ELAC2: variants seen among roughly 807,000 people sequenced by gnomAD.
The protein encoded by ELAC2 is elaC ribonuclease Z 2.
A neutral mutation model predicts 105.2 loss-of-function variants in ELAC2; 92 were observed. That is an observed-to-expected ratio of 0.87 (90% CI 0.74 to 1.04). The LOEUF (loss-of-function observed/expected upper bound fraction) is 1.04, where lower values mean the gene tolerates loss of function less well. ELAC2 is among the 50% of genes least tolerant of loss of function. The pLI is 0.00. For synonymous variants in ELAC2, 468 were observed against 409.1 expected (o/e 1.14, Z -1.74); for missense variants, 1,099 against 1,071.7 (o/e 1.03, Z -0.36).
intron 15 of ELAC2, among the ~76,000 whole-genome samples, chr17:12,998,967 TA>T (rs1187160181): frequency 6.6e-6 from 1 of 152,180 alleles, no homozygotes; most frequent in African/African-American, 2.4e-5. Context: ...CTTTTCTTGA[TA>T]AATTACCCAG....
rs868152546 is a variant in ELAC2, at chr17:13,005,950, C to A, written c.768G>T (p.Val256=). ...KLHLKRGNFL[V]LKAKEMGLPV... ...GGAGGCCCATCTCCTTTGCTTTGAG[C>A]ACCAAGAAGTTTCCTCTCTTTAAGT... The change falls in exon 9 of 24, where the codon GTG becomes GTT. Residue 256 remains valine, a synonymous_variant. Transcript: ENST00000338034. The A allele has an allele frequency of 3.1e-6, 5 of 1,614,182 alleles. No individual in the cohort carries two copies. Among genetic ancestry groups the A allele is most frequent in the Non-Finnish European group, 4.2e-6 (5 of 1,180,042 alleles).
chr17:13,013,390 T>C (rs913016882), intron 5 of ELAC2, 115 bp from the exon 6 acceptor site: 9 of 1,134,148 alleles, frequency 7.9e-6, no homozygotes, highest in Admixed American at 5.9e-5. Context: ...ATGGTGGGAA[T>C]CTGACACGAA....
chr17:12,994,405 G>A lies in ELAC2; in HGVS notation c.2108+20C>T. ...GGAGGGAGAGGATGTGGGCGACAAG[G>A]ACTGACCGGCCTTTGCTACCTGTGT... On this transcript the variant is annotated intron_variant, in intron 22 of 23. Transcript: ENST00000338034. 2 of 1,614,078 alleles carry A rather than the reference G, an allele frequency of 1.2e-6. No homozygotes were observed. Among genetic ancestry groups the A allele is most frequent in the Non-Finnish European group, 1.7e-6 (2 of 1,179,932 alleles).
At chr17:12,998,262 G>C in intron 16 of ELAC2, 150 bp downstream of exon 16, 1 of 767,790 alleles carries the variant, frequency 1.3e-6, no homozygotes, top group Non-Finnish European at 2.2e-6. Context: ...ATGCAGTAAG[G>C]CCACGCTCCT....
chr17:13,003,654 T>C, intron 11 of ELAC2, 80 bp from the exon 12 acceptor site: 1 of 1,279,836 alleles, frequency 7.8e-7, no homozygotes, highest in Non-Finnish European at 1.1e-6. Flanking sequence ...CAGGGAGGGG[T>C]ATCGTGCGGC....
At chr17:13,006,456 T>C (rs1364024081) in intron 8 of ELAC2, 3 of 182,070 alleles carry the variant, frequency 1.6e-5, no homozygotes, top group Non-Finnish European at 3.6e-5. Context: ...TACCATATTC[T>C]GAAGAAGTCA....
chr17:13,014,556 T>G (rs2041618967), intron 4 of ELAC2, 60 bp from the exon 5 acceptor site: 15 of 1,242,778 alleles, frequency 1.2e-5, no homozygotes, highest in Non-Finnish European at 1.8e-5. Flanking sequence ...ACAGCAACTA[T>G]TCAAGTATTT....
At chr17:13,009,877 T>TGAG (rs1158841456) in intron 8 of ELAC2, among the ~76,000 whole-genome samples, 3 of 151,608 alleles carry the variant, frequency 2.0e-5, no homozygotes, top group African/African-American at 7.3e-5. Flanking sequence ...TAATCCTAGC[T>TGAG]ACTTGGGAGG....
At chr17:13,017,292 A>G in intron 1 of ELAC2, 171 bp from the exon 2 acceptor site, 1 of 735,266 alleles carries the variant, frequency 1.4e-6, no homozygotes, top group Non-Finnish European at 2.3e-6. Flanking sequence ...AGCCCTCCTT[A>G]GCAGAGGTGG....
chr17:13,010,675 A>C lies in ELAC2; in HGVS notation c.680-4T>G, dbSNP rs1041954140. 6.2e-7 allele frequency: 1 copy of C among 1,613,854 alleles called. No individual in the cohort carries two copies. The highest frequency in any genetic ancestry group is 8.5e-7 in the Non-Finnish European group (1 of 1,179,786). On this transcript the variant is annotated splice_region_variant and splice_polypyrimidine_tract_variant and intron_variant, in intron 7 of 23. Coordinates refer to ENST00000338034, the MANE Select transcript of ELAC2 (RefSeq NM_018127.7). ...ACCCCTCTTCTCTGGCTAACACCTG[A>C]GGAAAAACACACTTGATTATCACAA...
intron 12 of ELAC2, 23 bp from the exon 13 acceptor site, chr17:13,002,602 T>C (rs1321172396): frequency 6.3e-7 from 1 of 1,583,796 alleles, no homozygotes; most frequent in African/African-American, 1.3e-5. Flanking sequence ...AGACCCGGCA[T>C]TTGCAGCGTC....
rs1555570485 is a variant in ELAC2 at position 12,991,880 on chromosome 17, A to ACTTC, written c.*934_*937dup. On this transcript the variant is annotated 3_prime_UTR_variant, in exon 24 of 24. Transcript: ENST00000338034. ...ACTTACTTACTTACTTTACTTACTT[A>ACTTC]CTTCCTTGGAAAATGCTCTCCATTT... 2.0e-5 allele frequency among the ~76,000 whole-genome samples: 3 copies of ACTTC among 151,550 alleles called. No homozygotes were observed. Among genetic ancestry groups the ACTTC allele is most frequent in the Admixed American group, 1.3e-4 (2 of 15,250 alleles).
chr17:13,006,497 C>T, intron 8 of ELAC2: 1 of 165,528 alleles, frequency 6.0e-6, no homozygotes, highest in South Asian at 1.5e-4. Context: ...TACTAAAAGC[C>T]AAAATGACTT....
chr17:13,015,509 C>T (rs1451616296), intron 4 of ELAC2, among the ~76,000 whole-genome samples: 2 of 152,164 alleles, frequency 1.3e-5, no homozygotes, highest in African/African-American at 2.4e-5. Flanking sequence ...TGTGCTGCTA[C>T]GTCATTTAAT....
chr17:13,007,285 C>T (rs8078394), intron 8 of ELAC2, among the ~76,000 whole-genome samples: 41,881 of 151,952 alleles, frequency 0.28, 5,949 homozygotes, highest in Middle Eastern at 0.33. Context: ...CATTTGATTT[C>T]CATTTTCTCC....
In ELAC2 at chr17:12,992,719, G is replaced by T; in HGVS notation, c.*99C>A. 1 of 1,433,582 alleles carries T rather than the reference G, an allele frequency of 7.0e-7. No homozygotes were observed. The highest frequency in any genetic ancestry group is 9.7e-7 in the Non-Finnish European group (1 of 1,031,532). The allele number at this position is 1,433,582 out of a possible 1,614,324, so 88.8% of individuals were successfully genotyped here. ...ACCTATCCTGAGCTGCCTCCTGGGG[G>T]ACCGTGCTCTTCAGCTTCTACCAGC... On this transcript the variant is annotated 3_prime_UTR_variant, in exon 24 of 24. Transcript: ENST00000338034.
rs143878748 is a variant in ELAC2, at chr17:13,000,172, G to A, written c.1407C>T (p.Asp469=). 1.5e-5 allele frequency: 24 copies of A among 1,613,578 alleles called. No homozygotes were observed. Among genetic ancestry groups the A allele is most frequent in the Middle Eastern group, 1.7e-4 (1 of 5,778 alleles). ...CCCACTCACCTGCTGGGGCTGGGCCGTCCTGCGCACTCCTCCTGTACTCCT... is the reference window on the plus strand; with the variant it reads ...CCCACTCACCTGCTGGGGCTGGGCCATCCTGCGCACTCCTCCTGTACTCCT... ...SVQEYRRSAQ[D]GPAPAEKRSQ... Residue 469 remains aspartate (D), a synonymous_variant, in exon 15 of 24, where the codon GAC becomes GAT. Transcript: ENST00000338034.
rs761628384 is a variant in ELAC2, at chr17:12,992,853, CTG to C, written c.2444_2445del (p.Thr815ArgfsTer53). 2 of 1,609,284 alleles carry C rather than the reference CTG, an allele frequency of 1.2e-6. No individual in the cohort carries two copies. Among genetic ancestry groups the C allele is most frequent in the South Asian group, 2.2e-5 (2 of 91,078 alleles). On this transcript the variant is annotated frameshift_variant, in exon 24 of 24. Coordinates refer to ENST00000338034, the MANE Select transcript of ELAC2 (RefSeq NM_018127.7). LOFTEE classifies it high-confidence loss of function. ...CTGACCTTCTTGGCCTGTGGCTCCT[CTG>C]TGTGGGCCCGCTTCTGCTGAGGCTC... The part of the protein sequence containing the change: ...DGEPQQKRAH[T>X]EEPQAKKVRA...
rs762490368 is a variant in ELAC2 at position 13,017,097 on chromosome 17, G to A, written c.270C>T (p.Gly90=). 4.3e-6 allele frequency: 7 copies of A among 1,613,762 alleles called. 1 individual carries two copies. Among genetic ancestry groups the A allele is most frequent in the Middle Eastern group, 3.3e-4 (2 of 6,062 alleles). Residue 90 remains glycine (G), a synonymous_variant, in exon 2 of 24, where the codon GGC becomes GGT. Transcript: ENST00000338034. ...FNRYLFNCGE[G]VQRLMQEHKL... Reference sequence around the variant, plus strand: ...TGTGCTCCTGCATGAGTCTCTGAACGCCTTCTCCACAGTTGAAGAGATACC... The same window carrying A: ...TGTGCTCCTGCATGAGTCTCTGAACACCTTCTCCACAGTTGAAGAGATACC...
Sources: allele counts gnomAD v4.1 joint callset (sites outside exome capture counted in the v4.1 genomes callset), GRCh38; gene constraint gnomAD v4.1.1; transcripts MANE v1.5; gene names NCBI Gene and HGNC (gene_info 2026-07-23, HGNC 2026-07-21).